ABLIM1: variants seen among roughly 807,000 people sequenced by gnomAD.
ABLIM1 encodes actin binding LIM protein 1.
Under a neutral mutation model 107.0 loss-of-function variants are expected in ABLIM1, and 40 were observed. The ratio of observed to expected loss-of-function variants is 0.37; its 90% confidence interval spans 0.29 to 0.49. The LOEUF is 0.49. Ranked by LOEUF, ABLIM1 falls within the 20% of genes least tolerant of loss-of-function variation. ABLIM1 has a pLI of 0.97. For missense variants in ABLIM1, 857 were observed against 1,008.5 expected (o/e 0.85, Z 2.04); for synonymous variants, 357 against 357.3 (o/e 1.00, Z 0.01).
At chr10:114,767,378 C>G (rs1591968588) in intron 1 of ABLIM1, among the ~76,000 whole-genome samples, 1 of 152,174 alleles carries the variant, frequency 6.6e-6, no homozygotes, top group East Asian at 1.9e-4. Flanking sequence ...GACTTGATCT[C>G]TTTAATATTT....
At chr10:114,791,510 C>T in the ABLIM1 span, among the ~76,000 whole-genome samples, 4 of 151,792 alleles carry the variant, frequency 2.6e-5, no homozygotes, top group Non-Finnish European at 4.4e-5. Flanking sequence ...TGGTGGTGGA[C>T]GCCTGTAGTC....
rs1366592907 is a variant in ABLIM1, at chr10:114,513,938, C to T, written c.895-22060G>A. Among the ~76,000 whole-genome samples the T allele has an allele frequency of 5.3e-5, 8 of 152,134 alleles. No homozygotes were observed. In the East Asian group the frequency reaches 1.5e-3, roughly 29 times the overall value. ...CTCCTGAAAATATCATCCAAGCCTG[C>T]AAAGTTTTCACATGACACCATCACT... On this transcript the variant is annotated intron_variant, in intron 6 of 22. Transcript: ENST00000533213.
chr10:114,527,349 T>C (rs753333879), intron 6 of ABLIM1, among the ~76,000 whole-genome samples: 1 of 152,232 alleles, frequency 6.6e-6, no homozygotes, highest in Non-Finnish European at 1.5e-5. Flanking sequence ...GAGACAAATA[T>C]GATTGGAAAA....
chr10:114,786,581 G>C, the ABLIM1 span, among the ~76,000 whole-genome samples: 1 of 152,102 alleles, frequency 6.6e-6, no homozygotes, highest in Non-Finnish European at 1.5e-5. Flanking sequence ...TTTGTCATAG[G>C]TCTCTTGAAA....
the ABLIM1 span, among the ~76,000 whole-genome samples, chr10:114,783,139 G>A: frequency 6.6e-6 from 1 of 152,050 alleles, no homozygotes; most frequent in Non-Finnish European, 1.5e-5. Context: ...AAAATTAGCT[G>A]GGTGTGGTGG....
intron 1 of ABLIM1, among the ~76,000 whole-genome samples, chr10:114,644,917 T>C (rs968827874): frequency 6.6e-6 from 1 of 152,196 alleles, no homozygotes; most frequent in Admixed American, 6.5e-5. Flanking sequence ...CTGCTGGTCC[T>C]GGAGCAGCCT....
At chr10:114,507,304 TG>T (rs1292717522) in intron 6 of ABLIM1, among the ~76,000 whole-genome samples, 2 of 152,166 alleles carry the variant, frequency 1.3e-5, no homozygotes, top group African/African-American at 4.8e-5. Context: ...CATTGAGTAG[TG>T]GTTCCAATCA....
intron 11 of ABLIM1, among the ~76,000 whole-genome samples, chr10:114,466,249 G>A (rs558360927): frequency 6.6e-6 from 1 of 152,116 alleles, no homozygotes; most frequent in Non-Finnish European, 1.5e-5. Context: ...GTTCGAGGCT[G>A]CAGTAAACTA....
In ABLIM1 at chr10:114,431,415, A is replaced by G. The variant is rs6646; in HGVS notation, c.*4845T>C. 121,115 of 152,162 alleles carry G rather than the reference A, an allele frequency of 0.8. 48,433 individuals are homozygous for G. Among genetic ancestry groups the G allele is most frequent in the Non-Finnish European group, 0.83 (56,437 of 68,020 alleles). 9.4% of individuals were successfully genotyped at this position (152,162 alleles called of 1,614,324 possible). ...GGAGGGAGGGCAGGAAGAACCACAC[A>G]CCTTCCAACATTTGAAAAAATTCCA... On this transcript the variant is annotated 3_prime_UTR_variant, in exon 23 of 23. Coordinates refer to ENST00000533213, the MANE Select transcript of ABLIM1 (RefSeq NM_002313.7).
chr10:114,655,285 C>G (rs1360818629), intron 1 of ABLIM1, among the ~76,000 whole-genome samples: 1 of 152,206 alleles, frequency 6.6e-6, no homozygotes, highest in African/African-American at 2.4e-5. Flanking sequence ...ATGATGATTA[C>G]CTTTCCTGTA....
At chr10:114,759,998 C>A (rs1056320415) in intron 1 of ABLIM1, among the ~76,000 whole-genome samples, 1 of 152,164 alleles carries the variant, frequency 6.6e-6, no homozygotes, top group Non-Finnish European at 1.5e-5. Flanking sequence ...ACCACAAATT[C>A]TAATGTCCTT....
At chr10:114,491,012 G>GTGTGTGTATGTATATA in intron 7 of ABLIM1, among the ~76,000 whole-genome samples, 5 of 92,396 alleles carry the variant, frequency 5.4e-5, no homozygotes, top group Non-Finnish European at 9.8e-5. Context: ...GTGTGTGTGT[G>GTGTGTGTATGTATATA]TATATATATA....
chr10:114,679,682 C>A (rs1463074773), intron 1 of ABLIM1, among the ~76,000 whole-genome samples: 1 of 150,020 alleles, frequency 6.7e-6, no homozygotes, highest in Non-Finnish European at 1.5e-5. Context: ...TAATAAATTG[C>A]ATGTTTATTC....
intron 1 of ABLIM1, among the ~76,000 whole-genome samples, chr10:114,675,348 G>C (rs2080434055): frequency 6.6e-6 from 1 of 152,190 alleles, no homozygotes; most frequent in South Asian, 2.1e-4. Flanking sequence ...CTGAATCATG[G>C]GGGTGGGTCT....
chr10:114,559,452 A>G (rs59544337), intron 4 of ABLIM1, among the ~76,000 whole-genome samples: 6,843 of 141,612 alleles, frequency 0.048, 324 homozygotes, highest in African/African-American at 0.091. Context: ...AAAAAAAAAA[A>G]AAAAAAAAAA....
chr10:114,573,278 A>T (rs2071968717), intron 3 of ABLIM1, among the ~76,000 whole-genome samples: 1 of 152,256 alleles, frequency 6.6e-6, no homozygotes, highest in Non-Finnish European at 1.5e-5. Flanking sequence ...AAAGTCACTC[A>T]TAAATAGAGA....
At chr10:114,680,500 T>C (rs2080700224) in intron 1 of ABLIM1, among the ~76,000 whole-genome samples, 1 of 152,230 alleles carries the variant, frequency 6.6e-6, no homozygotes. Context: ...ACAATCATGT[T>C]AGCAAGGGGA....
intron 17 of ABLIM1, among the ~76,000 whole-genome samples, chr10:114,443,453 C>T (rs1280719329): frequency 6.6e-6 from 1 of 151,716 alleles, no homozygotes; most frequent in Non-Finnish European, 1.5e-5. Context: ...GCTGGGATTA[C>T]AGGAGCCCAC....
At chr10:114,508,354 A>C (rs2061426072) in intron 6 of ABLIM1, among the ~76,000 whole-genome samples, 1 of 152,208 alleles carries the variant, frequency 6.6e-6, no homozygotes. Context: ...GTTACATTAA[A>C]GGACCTTTAA....
Sources: gnomAD v4.1 joint callset for allele counts (sites outside exome capture counted in the v4.1 genomes callset) on GRCh38, gnomAD v4.1.1 for gene constraint, MANE v1.5 for transcripts, NCBI Gene and HGNC (gene_info 2026-07-23, HGNC 2026-07-21) for gene names.